Variants in RIPOR3 observed in about 807,000 individuals in gnomAD.
RIPOR3 encodes family with sequence similarity 65 member C.
Under a neutral mutation model 114.3 loss-of-function variants are expected in RIPOR3, and 95 were observed. The ratio of observed to expected loss-of-function variants is 0.83; its 90% CI spans 0.70 to 0.99. RIPOR3 has a LOEUF of 0.99. RIPOR3 is among the 50% of genes least tolerant of loss of function. RIPOR3 has a pLI of 0.00. For synonymous variants in RIPOR3, 575 were observed against 543.8 expected, an observed-to-expected ratio of 1.06 and a Z score of -0.80; for missense variants, 1,252 against 1,266.9, an observed-to-expected ratio of 0.99 and a Z score of 0.18.
At chr20:50,596,103 G>A in intron 15 of RIPOR3, 37 bp downstream of exon 15, 2 of 1,613,292 alleles carry the variant, frequency 1.2e-6, no homozygotes, top group Non-Finnish European at 1.7e-6. Flanking sequence ...CCAAACCCCT[G>A]TCTGCCCCTC....
chr20:50,617,475 G>A (rs2084219507), intron 3 of RIPOR3, among the ~76,000 whole-genome samples: 1 of 152,004 alleles, frequency 6.6e-6, no homozygotes, highest in African/African-American at 2.4e-5. Context: ...ACCTCTACAG[G>A]ATTTTGCCAT....
Position 50,690,489 on chromosome 20 carries a change from C to G in RIPOR3, c.3+637G>C, listed in dbSNP as rs561356923. On this transcript the variant is annotated intron_variant, in intron 1 of 21. Coordinates refer to ENST00000327979, the MANE Select transcript of RIPOR3 (RefSeq NM_001290268.2). Reference sequence around the variant, plus strand: ...GCTGCTTGCCAGTGTCAGCCTGTCACTCCTTCTGTCCCACCTCTGCCTCCT... The same window carrying G: ...GCTGCTTGCCAGTGTCAGCCTGTCAGTCCTTCTGTCCCACCTCTGCCTCCT... 7.7e-4 allele frequency among the ~76,000 whole-genome samples: 118 copies of G among 152,308 alleles called. 2 individuals carry two copies. The South Asian group carries it at 0.024, about 30-fold the overall frequency.
chr20:50,674,849 G>A (rs1353808946), intron 1 of RIPOR3, among the ~76,000 whole-genome samples: 1 of 151,954 alleles, frequency 6.6e-6, no homozygotes, highest in Non-Finnish European at 1.5e-5. Flanking sequence ...TTGGGAGGCT[G>A]AGACAGGAGG....
At chr20:50,637,952 C>G (rs60701697) in intron 1 of RIPOR3, among the ~76,000 whole-genome samples, 29,734 of 151,066 alleles carry the variant, frequency 0.2, 4,372 homozygotes, top group African/African-American at 0.42. Flanking sequence ...CTTGTTATGT[C>G]ACCCAGGCTG....
At chr20:50,594,832 G>C in intron 16 of RIPOR3, 118 bp from the exon 17 acceptor site, 1 of 1,193,414 alleles carries the variant, frequency 8.4e-7, no homozygotes, top group Non-Finnish European at 1.2e-6. Context: ...GGTGTGGCTT[G>C]ATGCGAGGTC....
intron 13 of RIPOR3, among the ~76,000 whole-genome samples, chr20:50,599,907 T>A (rs1456360239): frequency 1.3e-5 from 2 of 151,880 alleles, no homozygotes; most frequent in Non-Finnish European, 2.9e-5. Context: ...CACACACTTT[T>A]TTTTCTTTTG....
At chr20:50,666,198 T>TTCCCTTCCCTTTCCTTTCC (rs1555873341) in intron 1 of RIPOR3, among the ~76,000 whole-genome samples, 1 of 96,720 alleles carries the variant, frequency 1.0e-5, no homozygotes, top group African/African-American at 5.4e-5. Context: ...TTTTCTTTTC[T>TTCCCTTCCCTTTCCTTTCC]TTTCTTTTCT....
At chr20:50,612,382 G>A (rs990953234) in intron 4 of RIPOR3, among the ~76,000 whole-genome samples, 3 of 151,860 alleles carry the variant, frequency 2.0e-5, no homozygotes, top group African/African-American at 4.8e-5. Context: ...TTAAACAAGT[G>A]TTTAAAAAAA....
At chr20:50,631,384 T>C (rs2084817361) in intron 1 of RIPOR3, among the ~76,000 whole-genome samples, 1 of 151,368 alleles carries the variant, frequency 6.6e-6, no homozygotes, top group African/African-American at 2.4e-5. Flanking sequence ...AAGAGCTGAG[T>C]AGGAAGGCTG....
intron 1 of RIPOR3, among the ~76,000 whole-genome samples, chr20:50,657,658 A>G (rs1326912030): frequency 1.3e-5 from 2 of 151,890 alleles, no homozygotes; most frequent in African/African-American, 4.8e-5. Flanking sequence ...CATTAAAAAA[A>G]TTTCACCCAG....
In RIPOR3 at chr20:50,602,299, C is replaced by A. The variant is rs770515279; in HGVS notation, c.1432G>T (p.Gly478Trp). The change falls in exon 13 of 22, where the codon GGG becomes TGG. Residue 478 changes from glycine to tryptophan, a missense_variant. Transcript: ENST00000327979. The surrounding 1 kb of genome is among the most constrained non-coding windows in gnomAD (Gnocchi z 4.3). ...AEQPGWRNLG[G>W]ESPSLPQGSL... The stretch of plus-strand genomic sequence containing the variant: ...CCCTGTGGCAGGCTGGGGCTCTCCC[C>A]TCCTAAGTTCCTCCAGCCAGGCTGC... 2.1e-4 allele frequency: 345 copies of A among 1,613,782 alleles called. 2 individuals carry two copies. Among genetic ancestry groups the A allele is most frequent in the Non-Finnish European group, 2.9e-4 (340 of 1,179,952 alleles).
At chr20:50,620,991 G>A in intron 2 of RIPOR3, 1 of 526,922 alleles carries the variant, frequency 1.9e-6, no homozygotes, top group South Asian at 1.7e-5. Context: ...GAAAGGGTGG[G>A]GACACACATC....
chr20:50,610,921 AG>A lies in RIPOR3; in HGVS notation c.373-16del. 1 of 1,614,122 alleles carries A rather than the reference AG, an allele frequency of 6.2e-7. No homozygotes were observed. The highest frequency in any genetic ancestry group is 8.5e-7 in the Non-Finnish European group (1 of 1,180,004). The stretch of plus-strand genomic sequence containing the variant: ...CAGCGCGTTTGCTTCTCCCGGAAAA[AG>A]GGAAGATGTTTGCAAAGTTGCCTGG... On this transcript the variant is annotated splice_polypyrimidine_tract_variant and intron_variant, in intron 5 of 21. Transcript: ENST00000327979.
chr20:50,623,097 C>A (rs2084479536), intron 2 of RIPOR3, among the ~76,000 whole-genome samples: 2 of 151,726 alleles, frequency 1.3e-5, no homozygotes, highest in South Asian at 4.2e-4. Context: ...AACCCCGTCT[C>A]TACTAAACAA....
At chr20:50,675,328 GCTAATA>G (rs1317283843) in intron 1 of RIPOR3, among the ~76,000 whole-genome samples, 2 of 152,206 alleles carry the variant, frequency 1.3e-5, no homozygotes, top group African/African-American at 4.8e-5. Context: ...GTCCTAGGAA[GCTAATA>G]CAGGTGGTTA....
At chr20:50,642,345 GGTGT>G (rs71190581) in intron 1 of RIPOR3, among the ~76,000 whole-genome samples, 5,268 of 96,296 alleles carry the variant, frequency 0.055, 99 homozygotes, top group African/African-American at 0.066. Flanking sequence ...GTTCTCTGTG[GGTGT>G]GTGTGTGTGT....
intron 1 of RIPOR3, among the ~76,000 whole-genome samples, chr20:50,643,058 A>C (rs544452629): frequency 2.6e-5 from 4 of 151,424 alleles, no homozygotes; most frequent in South Asian, 2.1e-4. Flanking sequence ...CAAAAAAAAA[A>C]CCCAAAAAGA....
At position 50,611,868 on chromosome 20, in the gene RIPOR3, A is replaced by C. The variant is rs149979408; in HGVS notation, c.349-664T>G. On this transcript the variant is annotated intron_variant, in intron 4 of 21. Transcript: ENST00000327979. ...GCCAGGCGCAGTGGCTCACGCCTGT[A>C]ATCCCAGCACTTTGGGAGGCTGAGG... Among the ~76,000 whole-genome samples, 821 of 152,306 alleles carry C rather than the reference A, an allele frequency of 5.4e-3. 15 individuals are homozygous for C. Among genetic ancestry groups the C allele is most frequent in the African/African-American group, 0.018 (762 of 41,566 alleles).
At chr20:50,655,645 C>T (rs2085781885) in intron 1 of RIPOR3, among the ~76,000 whole-genome samples, 1 of 151,680 alleles carries the variant, frequency 6.6e-6, no homozygotes, top group African/African-American at 2.4e-5. Context: ...GGTTTTGTCT[C>T]CCTCCTGTCT....
Sources: gnomAD v4.1 joint callset for allele counts (sites outside exome capture counted in the v4.1 genomes callset) on GRCh38, gnomAD v4.1.1 for gene constraint, Gnocchi (gnomAD v3.1) non-coding constraint, MANE v1.5 for transcripts, NCBI Gene and HGNC (gene_info 2026-07-23, HGNC 2026-07-21) for gene names.